TYW5: variants seen among roughly 807,000 people sequenced by gnomAD.
TYW5 encodes tRNA-yW synthesizing protein 5, also known as tRNA wybutosine-synthesizing protein 5.
A neutral mutation model predicts 44.4 loss-of-function variants in TYW5; 36 were observed. The observed-to-expected ratio is 0.81, with a 90% CI of 0.62 to 1.07. The LOEUF (loss-of-function observed/expected upper bound fraction) is 1.07. Ranked by LOEUF, TYW5 falls within the 50% of genes least tolerant of loss-of-function variation. The probability of loss-of-function intolerance (pLI) is 0.00; values close to 1 mark genes in which losing one functional copy is unlikely to be tolerated. For synonymous variants in TYW5, 121 were observed against 128.1 expected (o/e 0.94, Z 0.37); for missense variants, 354 against 365.7 (o/e 0.97, Z 0.26).
At chr2:199,940,270 A>G (rs1330280819) in intron 3 of TYW5, 137 bp from the exon 4 acceptor site, 1 of 728,992 alleles carries the variant, frequency 1.4e-6, no homozygotes, top group Non-Finnish European at 2.2e-6. Flanking sequence ...AACTACGGAA[A>G]AAAATAAAAC....
At position 199,948,321 on chromosome 2, in the gene TYW5, T is replaced by C. The variant is rs191659363; in HGVS notation, c.230A>G (p.Tyr77Cys). 21 of 1,614,042 alleles carry C rather than the reference T, an allele frequency of 1.3e-5. 1 individual carries two copies. The highest frequency in any genetic ancestry group is 1.0e-4 in the Admixed American group (6 of 60,020). ...AGTAAACCTCAGAAGAAAATACCTA[T>C]ATACAAAGTTCTTACTAATGAAGTC... is the stretch of plus-strand genomic sequence containing the variant. ...QMDFISKNFV[Y>C]RTLPFDQLVQ... is the part of the protein sequence containing the mutation. The change falls in exon 2 of 8, where the codon TAT becomes TGT. Residue 77 changes from tyrosine (Y) to cysteine (C), a missense_variant. By Grantham distance (194) the Tyr-to-Cys change is radical. Coordinates refer to ENST00000354611, the MANE Select transcript of TYW5 (RefSeq NM_001039693.3).
chr2:199,932,929 A>T lies in TYW5; in HGVS notation c.*138T>A. ...TTCTTTAATTATAACAATCTGTATC[A>T]AGTAGAATCCACACAAACACCCCTT... is the stretch of plus-strand genomic sequence containing the variant. On this transcript the variant is annotated 3_prime_UTR_variant, in exon 8 of 8. Coordinates refer to ENST00000354611, the MANE Select transcript of TYW5 (RefSeq NM_001039693.3). The T allele has an allele frequency of 1.0e-6, 1 of 960,092 alleles. No individual in the cohort carries two copies. The highest frequency in any genetic ancestry group is 1.5e-6 in the Non-Finnish European group (1 of 659,178). The allele number at this position is 960,092 out of a possible 1,614,324, so 59.5% of individuals were successfully genotyped here.
rs2077383212 is a variant in TYW5, at chr2:199,932,134, A to C, written c.*933T>G. 6.6e-6 allele frequency: 1 copy of C among 152,208 alleles called. No homozygotes were observed. The highest frequency in any genetic ancestry group is 1.5e-5 in the Non-Finnish European group (1 of 68,036). 9.4% of individuals were successfully genotyped at this position (152,208 alleles called of 1,614,324 possible). On this transcript the variant is annotated 3_prime_UTR_variant, in exon 8 of 8. Coordinates refer to ENST00000354611, the MANE Select transcript of TYW5 (RefSeq NM_001039693.3). The stretch of plus-strand genomic sequence containing the variant: ...GTTTTGCACTAATCACAAAACTAAT[A>C]ATCCAAGTCACTATCATCAACTCCA...
intron 3 of TYW5, among the ~76,000 whole-genome samples, chr2:199,941,133 A>C (rs918169967): frequency 8.5e-5 from 13 of 152,352 alleles, no homozygotes; most frequent in Admixed American, 6.5e-5. Flanking sequence ...GATCACGCCC[A>C]CTGCAGCCTC....
chr2:199,935,719 A>AACACACACAC (rs142361195), intron 7 of TYW5, among the ~76,000 whole-genome samples: 4 of 138,104 alleles, frequency 2.9e-5, no homozygotes, highest in African/African-American at 8.0e-5. Flanking sequence ...GCCTGCTTTA[A>AACACACACAC]ACACACACAC....
intron 2 of TYW5, chr2:199,945,943 G>A (rs1574805243): frequency 6.6e-6 from 1 of 152,280 alleles, no homozygotes; most frequent in South Asian, 2.1e-4. Flanking sequence ...TCAAAAACAA[G>A]GGCATTGGTT....
chr2:199,936,831 A>G (rs2077424688), intron 5 of TYW5, among the ~76,000 whole-genome samples: 2 of 152,202 alleles, frequency 1.3e-5, no homozygotes, highest in Non-Finnish European at 2.9e-5. Context: ...GAATGCTATA[A>G]GCCCAAAATT....
At chr2:199,947,644 A>G (rs1386253120) in intron 2 of TYW5, 1 of 152,236 alleles carries the variant, frequency 6.6e-6, no homozygotes, top group Non-Finnish European at 1.5e-5. Context: ...AGAATTTCCT[A>G]TTCTAGATAA....
chr2:199,939,133 G>A, intron 4 of TYW5, 63 bp from the exon 5 acceptor site: 1 of 1,460,732 alleles, frequency 6.8e-7, no homozygotes, highest in Non-Finnish European at 9.1e-7. Context: ...AAGGAAGACT[G>A]GGGCAAAACT....
chr2:199,949,237 G>T (rs1190225198), intron 1 of TYW5, among the ~76,000 whole-genome samples: 3 of 151,936 alleles, frequency 2.0e-5, no homozygotes, highest in African/African-American at 4.8e-5. Context: ...GAAGTGTGGT[G>T]CATGTCTGTA....
In TYW5 at chr2:199,929,689, TAA is replaced by T. The variant is rs543397050; in HGVS notation, c.*3376_*3377del. Among the ~76,000 whole-genome samples, 93 of 152,216 alleles carry T rather than the reference TAA, an allele frequency of 6.1e-4. No homozygotes were observed. Among genetic ancestry groups the T allele is most frequent in the African/African-American group, 2.0e-3 (85 of 41,568 alleles). On this transcript the variant is annotated 3_prime_UTR_variant, in exon 8 of 8. Coordinates refer to ENST00000354611, the MANE Select transcript of TYW5 (RefSeq NM_001039693.3). ...GTTCAAAAGGATGAAGGATACAAAT[TAA>T]GTTTTGTTGACTTTGTTTCCTTTGT... is the stretch of plus-strand genomic sequence containing the variant.
intron 1 of TYW5, among the ~76,000 whole-genome samples, chr2:199,953,276 C>CTG (rs1323223134): frequency 6.6e-6 from 1 of 152,026 alleles, no homozygotes; most frequent in Non-Finnish European, 1.5e-5. Context: ...TGAGCCGAGA[C>CTG]TGTGCCACTG....
intron 1 of TYW5, among the ~76,000 whole-genome samples, chr2:199,953,637 C>T (rs2077565875): frequency 6.6e-6 from 1 of 152,102 alleles, no homozygotes; most frequent in African/African-American, 2.4e-5. Context: ...TATTCATGTA[C>T]CTGTACAATA....
At chr2:199,952,631 C>T (rs1005320387) in intron 1 of TYW5, among the ~76,000 whole-genome samples, 2 of 152,104 alleles carry the variant, frequency 1.3e-5, no homozygotes, top group African/African-American at 4.8e-5. Flanking sequence ...TTCAAATTTG[C>T]TTACAGTGTT....
intron 3 of TYW5, chr2:199,943,031 T>C (rs1250011607): frequency 5.3e-5 from 8 of 152,142 alleles, no homozygotes; most frequent in Non-Finnish European, 8.8e-5. Context: ...TAATTTTGTA[T>C]TTTTAGTAGA....
chr2:199,949,041 GAAT>G (rs1248261390), intron 1 of TYW5, among the ~76,000 whole-genome samples: 1 of 151,950 alleles, frequency 6.6e-6, no homozygotes, highest in Non-Finnish European at 1.5e-5. Flanking sequence ...TATAACCACA[GAAT>G]AATTACCAAA....
At chr2:199,936,381 A>G in intron 6 of TYW5, 24 bp downstream of exon 6, 1 of 1,587,396 alleles carries the variant, frequency 6.3e-7, no homozygotes, top group Non-Finnish European at 8.6e-7. Flanking sequence ...CTTTTGAAAT[A>G]TAAACTTAAA....
chr2:199,951,688 A>G (rs1040438978), intron 1 of TYW5, among the ~76,000 whole-genome samples: 1 of 152,158 alleles, frequency 6.6e-6, no homozygotes, highest in Non-Finnish European at 1.5e-5. Flanking sequence ...GTAGCTTACC[A>G]TATATTTTCT....
chr2:199,948,573 C>G, intron 1 of TYW5, 101 bp from the exon 2 acceptor site: 2 of 1,186,692 alleles, frequency 1.7e-6, no homozygotes. Context: ...AGATCTGACT[C>G]TTGCTCCCAA....
Sources: gnomAD v4.1 joint callset for allele counts (sites outside exome capture counted in the v4.1 genomes callset) on GRCh38, gnomAD v4.1.1 for gene constraint, MANE v1.5 for transcripts, NCBI Gene and HGNC (gene_info 2026-07-23, HGNC 2026-07-21) for gene names.